ARHGEF11: variants seen among roughly 807,000 people sequenced by gnomAD.
The protein encoded by ARHGEF11 is Rho guanine exchange factor (GEF) 11.
A neutral mutation model predicts 193.7 loss-of-function variants in ARHGEF11; 55 were observed. That is an observed-to-expected ratio of 0.28 (90% confidence interval 0.23 to 0.36). The LOEUF (loss-of-function observed/expected upper bound fraction) is 0.36. ARHGEF11 is among the 10% of genes least tolerant of loss of function. The pLI, the probability that ARHGEF11 is intolerant of heterozygous loss-of-function variation, is 1.00. For missense variants in ARHGEF11, 1,723 were observed against 2,005.6 expected (o/e 0.86, Z 2.69); for synonymous variants, 693 against 768.0 (o/e 0.90, Z 1.62).
intron 13 of ARHGEF11, among the ~76,000 whole-genome samples, chr1:156,962,857 C>A (rs562265367): frequency 8.5e-6 from 1 of 117,822 alleles, no homozygotes; most frequent in Non-Finnish European, 1.6e-5. Flanking sequence ...CCAGCCTCGG[C>A]GACAGTGCGA....
intron 21 of ARHGEF11, among the ~76,000 whole-genome samples, chr1:156,952,874 G>A (rs1659328472): frequency 6.6e-6 from 1 of 152,264 alleles, no homozygotes. Context: ...GGGCCTTGAA[G>A]CCATGCAGAT....
At position 156,980,427 on chromosome 1, in the gene ARHGEF11, G is replaced by C. The variant is rs1663953279; in HGVS notation, c.273+10C>G. The C allele has an allele frequency of 6.2e-7, 1 of 1,603,376 alleles. No homozygotes were observed. Among genetic ancestry groups the C allele is most frequent in the Non-Finnish European group, 8.5e-7 (1 of 1,174,536 alleles). On this transcript the variant is annotated intron_variant, in intron 4 of 40. Transcript: ENST00000368194. ...TGCTGGGAGTGGGAGTGTGTGTTGG[G>C]GTCACTCACTTTGATGATCCGGTCG...
At chr1:156,960,886 G>C (rs1189460102) in intron 14 of ARHGEF11, among the ~76,000 whole-genome samples, 2 of 152,152 alleles carry the variant, frequency 1.3e-5, no homozygotes, top group Non-Finnish European at 2.9e-5. Context: ...AGTTAGCATG[G>C]TGTTCTGGCT....
chr1:156,973,852 ATC>A (rs2102337113), intron 7 of ARHGEF11, among the ~76,000 whole-genome samples: 1 of 152,192 alleles, frequency 6.6e-6, no homozygotes, highest in East Asian at 1.9e-4. Flanking sequence ...TTCTTGTTAA[ATC>A]TGTCATTATT....
intron 22 of ARHGEF11, among the ~76,000 whole-genome samples, chr1:156,950,650 A>C (rs1658944889): frequency 6.6e-6 from 1 of 151,458 alleles, no homozygotes; most frequent in African/African-American, 2.4e-5. Flanking sequence ...TTTAAAAAAG[A>C]AAAAAAAATC....
intron 1 of ARHGEF11, among the ~76,000 whole-genome samples, chr1:157,037,043 G>A (rs1386031621): frequency 3.3e-5 from 5 of 152,102 alleles, no homozygotes; most frequent in African/African-American, 1.2e-4. Flanking sequence ...CATGAGAATT[G>A]CTTGAACCTG....
Position 156,939,736 on chromosome 1 carries a change from T to A in ARHGEF11, c.3908A>T (p.Asp1303Val). The A allele has an allele frequency of 6.2e-7, 1 of 1,614,066 alleles. No homozygotes were observed. Among genetic ancestry groups the A allele is most frequent in the Non-Finnish European group, 8.5e-7 (1 of 1,179,988 alleles). The change falls in exon 37 of 41, where the codon GAC becomes GTC. Residue 1303 changes from aspartate (D) to valine (V), a missense_variant. Around this residue, in one of 5 missense-constraint regions of ARHGEF11, gnomAD observed 360 missense variants for 344.4 expected, o/e 1.05. Transcript: ENST00000368194. ...PGQAPPGGEG[D>V]NTQLAGLEGE... is the part of the protein sequence containing the mutation. ...CTCCAGCCCTGCAAGCTGGGTGTTG[T>A]CCCCTTCACCCCCAGGGGGTGCTTG...
intron 11 of ARHGEF11, among the ~76,000 whole-genome samples, chr1:156,965,911 T>G (rs2102238968): frequency 6.6e-6 from 1 of 152,326 alleles, no homozygotes; most frequent in East Asian, 1.9e-4. Context: ...AAGATGCCAC[T>G]CAGAAGACAA....
chr1:156,974,875 T>C (rs551007305), intron 7 of ARHGEF11, among the ~76,000 whole-genome samples: 1 of 152,252 alleles, frequency 6.6e-6, no homozygotes, highest in Non-Finnish European at 1.5e-5. Flanking sequence ...AAAATCCCAT[T>C]GTATGAACAG....
At chr1:156,991,996 G>A (rs1665804261) in intron 1 of ARHGEF11, among the ~76,000 whole-genome samples, 1 of 152,076 alleles carries the variant, frequency 6.6e-6, no homozygotes, top group Non-Finnish European at 1.5e-5. Flanking sequence ...GATTACAGGC[G>A]TGAGCCACCG....
At position 156,969,302 on chromosome 1, in the gene ARHGEF11, G is replaced by A. The variant is rs755443263; in HGVS notation, c.805C>T (p.Arg269Cys). 84 of 1,605,386 alleles carry A rather than the reference G, an allele frequency of 5.2e-5. No homozygotes were observed. Among genetic ancestry groups the A allele is most frequent in the Non-Finnish European group, 6.8e-5 (80 of 1,176,062 alleles). ...GDSGLDSGTE[R>C]FPSLSESLMN... ...CTCACCTCACTGAGGGAAGGAAAGC[G>A]TTCTGTCCCAGAGTCCAAGCCACTG... Residue 269 changes from arginine (R) to cysteine (C), a missense_variant, in exon 10 of 41, where the codon CGC becomes TGC. Around this residue, in one of 5 missense-constraint regions of ARHGEF11, gnomAD observed 646 missense variants for 710.7 expected, o/e 0.91. Coordinates refer to ENST00000368194, the MANE Select transcript of ARHGEF11 (RefSeq NM_198236.3).
chr1:156,964,118 G>T (rs1425535936), intron 11 of ARHGEF11, among the ~76,000 whole-genome samples: 1 of 152,186 alleles, frequency 6.6e-6, no homozygotes, highest in Non-Finnish European at 1.5e-5. Context: ...AACAAATGGA[G>T]ATGCGGCTGA....
chr1:157,003,891 A>C (rs1667499819), intron 1 of ARHGEF11, among the ~76,000 whole-genome samples: 1 of 152,238 alleles, frequency 6.6e-6, no homozygotes, highest in African/African-American at 2.4e-5. Context: ...AAATGGTAGA[A>C]TTCATTAAAG....
chr1:156,984,410 T>C lies in ARHGEF11; in HGVS notation c.152A>G (p.Gln51Arg), dbSNP rs1306319821. Residue 51 changes from glutamine to arginine, a missense_variant, in exon 3 of 41, where the codon CAA (glutamine) becomes CGA (arginine). By Grantham distance (43) the Gln-to-Arg change is conservative. Coordinates refer to ENST00000368194, the MANE Select transcript of ARHGEF11 (RefSeq NM_198236.3). Reference sequence around the variant, plus strand: ...GAAGCCGAAGCCATGCTGGTCCTTTTGGATAATGACACAGCGTTGAACGAG... The same window carrying C: ...GAAGCCGAAGCCATGCTGGTCCTTTCGGATAATGACACAGCGTTGAACGAG... ...TGLVQRCVII[Q>R]KDQHGFGFTV... 6.3e-7 allele frequency: 1 copy of C among 1,597,606 alleles called. No homozygotes were observed. Among genetic ancestry groups the C allele is most frequent in the African/African-American group, 1.3e-5 (1 of 74,828 alleles).
At chr1:156,984,297 G>C in intron 3 of ARHGEF11, 42 bp downstream of exon 3, 3 of 1,486,224 alleles carry the variant, frequency 2.0e-6, no homozygotes, top group Non-Finnish European at 1.8e-6. Flanking sequence ...TGGTGGCTTT[G>C]CAAGAACTGT....
intron 32 of ARHGEF11, 139 bp downstream of exon 32, chr1:156,943,796 G>T: frequency 1.8e-6 from 2 of 1,093,954 alleles, no homozygotes; most frequent in Non-Finnish European, 2.5e-6. Flanking sequence ...CTACCACTTA[G>T]GCTGGGTCAG....
intron 1 of ARHGEF11, among the ~76,000 whole-genome samples, chr1:157,013,884 C>T: frequency 6.6e-6 from 1 of 152,216 alleles, no homozygotes; most frequent in East Asian, 1.9e-4. Flanking sequence ...AGCTGATCAC[C>T]TACGGCAGCA....
chr1:157,035,831 T>TATATATATGTATATATATA lies in ARHGEF11; in HGVS notation c.32+8467_32+8468insTATATATATACATATATAT, dbSNP rs112484927. On this transcript the variant is annotated intron_variant, in intron 1 of 40. Coordinates refer to ENST00000368194, the MANE Select transcript of ARHGEF11 (RefSeq NM_198236.3). ...GAATATATATATAGGAATATATATA[T>TATATATATGTATATATATA]GGAATATATATATGTATATATTTAG... 9.1e-5 allele frequency among the ~76,000 whole-genome samples: 6 copies of TATATATATGTATATATATA among 65,778 alleles called. 2 individuals carry two copies. The highest frequency in any genetic ancestry group is 2.5e-4 in the African/African-American group (6 of 24,298). 43.2% of individuals were successfully genotyped at this position (65,778 alleles called of 152,430 possible).
chr1:157,020,066 G>A (rs1304050336), intron 1 of ARHGEF11, among the ~76,000 whole-genome samples: 1 of 151,432 alleles, frequency 6.6e-6, no homozygotes, highest in African/African-American at 2.4e-5. Context: ...GGAGCTTGCA[G>A]TGAGCCAAGA....
Sources: allele counts gnomAD v4.1 joint callset (sites outside exome capture counted in the v4.1 genomes callset), GRCh38; gene constraint gnomAD v4.1.1; regional missense constraint gnomAD v4.1.1; transcripts MANE v1.5; gene names NCBI Gene and HGNC (gene_info 2026-07-23, HGNC 2026-07-21).